The following MSI2 variants were observed in gnomAD, a reference collection of about 807,000 sequenced individuals.
The protein encoded by MSI2 is RNA-binding protein Musashi homolog 2.
A neutral mutation model predicts 45.6 loss-of-function variants in MSI2; 17 were observed. That is an observed-to-expected ratio of 0.37 (90% confidence interval 0.26 to 0.56). The LOEUF is 0.56. MSI2 is among the 20% of genes least tolerant of loss of function. The pLI is 0.77. For missense variants in MSI2, 293 were observed against 444.2 expected (o/e 0.66, Z 3.06); for synonymous variants, 156 against 158.2 (o/e 0.99, Z 0.11).
chr17:57,643,001 T>C (rs11652629), intron 10 of MSI2, among the ~76,000 whole-genome samples: 27,432 of 152,088 alleles, frequency 0.18, 2,610 homozygotes, highest in East Asian at 0.34. Flanking sequence ...CCTACTGCAG[T>C]GTTCTGAGCT....
At chr17:57,662,144 T>G (rs1301999495) in intron 11 of MSI2, among the ~76,000 whole-genome samples, 1 of 152,128 alleles carries the variant, frequency 6.6e-6, no homozygotes, top group Non-Finnish European at 1.5e-5. Context: ...AATATTAATT[T>G]TTTTAAAAAG....
At chr17:57,340,192 T>A (rs146146827) in intron 5 of MSI2, among the ~76,000 whole-genome samples, 1 of 152,300 alleles carries the variant, frequency 6.6e-6, no homozygotes, top group Non-Finnish European at 1.5e-5. Flanking sequence ...CTTACTAGGC[T>A]TCAAAGAGGC....
intron 5 of MSI2, among the ~76,000 whole-genome samples, chr17:57,316,316 T>C (rs1339272546): frequency 3.3e-5 from 5 of 150,922 alleles, no homozygotes; most frequent in Non-Finnish European, 7.4e-5. Flanking sequence ...CCTAGGGTTA[T>C]TGCTACTTTT....
intron 5 of MSI2, among the ~76,000 whole-genome samples, chr17:57,354,420 A>C (rs1431532196): frequency 1.3e-5 from 2 of 152,200 alleles, no homozygotes; most frequent in African/African-American, 4.8e-5. Context: ...AGAAATACAG[A>C]AGTGAGCAGG....
intron 7 of MSI2, among the ~76,000 whole-genome samples, chr17:57,542,513 C>A (rs2087072334): frequency 6.6e-6 from 1 of 152,212 alleles, no homozygotes; most frequent in African/African-American, 2.4e-5. Flanking sequence ...GGTTTCCAAC[C>A]TGGTTGTACA....
chr17:57,524,507 A>G (rs2086657721), intron 6 of MSI2, among the ~76,000 whole-genome samples: 1 of 152,266 alleles, frequency 6.6e-6, no homozygotes, highest in Non-Finnish European at 1.5e-5. Flanking sequence ...GATTGGCTGC[A>G]TAATCTAGAC....
chr17:57,339,414 C>T (rs1427981534), intron 5 of MSI2, among the ~76,000 whole-genome samples: 1 of 152,092 alleles, frequency 6.6e-6, no homozygotes, highest in Non-Finnish European at 1.5e-5. Flanking sequence ...GACCATCCTT[C>T]AGCTCCTGCC....
chr17:57,642,380 T>G (rs1489291112), intron 10 of MSI2, among the ~76,000 whole-genome samples: 1 of 152,198 alleles, frequency 6.6e-6, no homozygotes, highest in Non-Finnish European at 1.5e-5. Context: ...GTCTTCTGAG[T>G]GCTCTCTCTA....
At chr17:57,327,726 G>T (rs1236499627) in intron 5 of MSI2, among the ~76,000 whole-genome samples, 1 of 152,176 alleles carries the variant, frequency 6.6e-6, no homozygotes, top group Non-Finnish European at 1.5e-5. Context: ...AGCCACTATG[G>T]GATGCCTCCA....
intron 5 of MSI2, among the ~76,000 whole-genome samples, chr17:57,392,612 G>A (rs558544136): frequency 1.3e-5 from 2 of 152,284 alleles, no homozygotes; most frequent in African/African-American, 2.4e-5. Context: ...ATACAGGGAG[G>A]GAGAACTTGG....
intron 5 of MSI2, among the ~76,000 whole-genome samples, chr17:57,378,727 T>C (rs2083545974): frequency 6.6e-6 from 1 of 152,180 alleles, no homozygotes; most frequent in Non-Finnish European, 1.5e-5. Flanking sequence ...AATTTCTTAG[T>C]TTGCCCAAGT....
rs186196348 is a variant in MSI2, at chr17:57,327,325, G to A, written c.312+65133G>A. Among the ~76,000 whole-genome samples the A allele has an allele frequency of 2.7e-4, 41 of 152,276 alleles. 1 individual carries two copies. The highest frequency in any genetic ancestry group is 2.1e-3 in the Admixed American group (32 of 15,302). On this transcript the variant is annotated intron_variant, in intron 5 of 13. Transcript: ENST00000284073. ...CAAATCTGAGGCCCAGAGAGGTAAC[G>A]TGACTCATCTGAGGTCACACAGCCA... is the stretch of plus-strand genomic sequence containing the variant.
chr17:57,446,108 G>A (rs942397560), intron 6 of MSI2, among the ~76,000 whole-genome samples: 7 of 152,144 alleles, frequency 4.6e-5, no homozygotes, highest in African/African-American at 1.7e-4. Context: ...CGGTGCAGAG[G>A]AAATGGAAGA....
intron 5 of MSI2, among the ~76,000 whole-genome samples, chr17:57,349,402 G>A (rs1032915588): frequency 4.6e-5 from 7 of 152,114 alleles, no homozygotes; most frequent in Non-Finnish European, 1.0e-4. Flanking sequence ...AGAAGCGTGT[G>A]GTAAACTCAA....
intron 6 of MSI2, among the ~76,000 whole-genome samples, chr17:57,420,729 G>T (rs1262791993): frequency 1.3e-5 from 2 of 152,194 alleles, no homozygotes; most frequent in Non-Finnish European, 2.9e-5. Flanking sequence ...ATCTGGAAGG[G>T]TCACTTTTTC....
At chr17:57,406,332 G>GA (rs753664289) in intron 6 of MSI2, among the ~76,000 whole-genome samples, 15 of 152,172 alleles carry the variant, frequency 9.9e-5, no homozygotes, top group Admixed American at 2.0e-4. Flanking sequence ...CTGGATCAAA[G>GA]AAACTCCACA....
chr17:57,308,960 C>CCA (rs1361078819), intron 5 of MSI2, among the ~76,000 whole-genome samples: 8 of 152,126 alleles, frequency 5.3e-5, no homozygotes, highest in African/African-American at 1.4e-4. Context: ...TCGTGCAAGG[C>CCA]CACAGAGCTG....
At chr17:57,528,198 C>A (rs995887925) in intron 6 of MSI2, among the ~76,000 whole-genome samples, 1 of 151,924 alleles carries the variant, frequency 6.6e-6, no homozygotes, top group African/African-American at 2.4e-5. Context: ...GACCAGGTGC[C>A]CTCCCCCGGT....
chr17:57,449,172 C>T (rs1376217781), intron 6 of MSI2: 1 of 152,344 alleles, frequency 6.6e-6, no homozygotes, highest in African/African-American at 2.4e-5. Flanking sequence ...AATGCCAATA[C>T]TGTGTCCTGT....
Sources: allele counts gnomAD v4.1 joint callset (sites outside exome capture counted in the v4.1 genomes callset), GRCh38; gene constraint gnomAD v4.1.1; transcripts MANE v1.5; gene names NCBI Gene and HGNC (gene_info 2026-07-23, HGNC 2026-07-21).